Variants in NIBAN3 observed in about 807,000 individuals in gnomAD.
NIBAN3 encodes the protein protein Niban 3.
A neutral mutation model predicts 76.4 loss-of-function variants in NIBAN3; 66 were observed. The observed-to-expected ratio is 0.86, with a 90% CI of 0.71 to 1.06. NIBAN3 has a LOEUF of 1.06. Ranked by LOEUF, NIBAN3 falls within the 50% of genes least tolerant of loss-of-function variation. The pLI, the probability that NIBAN3 is intolerant of heterozygous loss-of-function variation, is 0.00. For synonymous variants in NIBAN3, 360 were observed against 355.2 expected (o/e 1.01, Z -0.15); for missense variants, 808 against 810.7 (o/e 1.00, Z 0.04).
chr19:17,543,328 C>A lies in NIBAN3; in HGVS notation c.1341C>A (p.Asp447Glu). The A allele has an allele frequency of 6.4e-7, 1 of 1,562,930 alleles. No individual in the cohort carries two copies. Among genetic ancestry groups the A allele is most frequent in the Non-Finnish European group, 8.7e-7 (1 of 1,150,976 alleles). Residue 447 changes from aspartate to glutamate, a missense_variant, in exon 11 of 15, where the codon GAC (aspartate) becomes GAA (glutamate). Transcript: ENST00000599164. ...ATCTCCTCCCACAGCTCATGGCTGA[C>A]GCCGTGGCCACCTTCCTGCAGCTGG... Reference protein sequence around the residue: ...AQDLAQQLMADAVATFLQLAD... With the variant: ...AQDLAQQLMAEAVATFLQLAD...
upstream of NIBAN3, among the ~76,000 whole-genome samples, chr19:17,523,721 C>T (rs2075579119): frequency 6.6e-6 from 1 of 152,260 alleles, no homozygotes; most frequent in Non-Finnish European, 1.5e-5. Context: ...CCCCTTTCAC[C>T]TCTCCCTCTC....
In NIBAN3 at chr19:17,553,234, T is replaced by C; in HGVS notation, c.*1336T>C. ...AATAACTCTTTATATCTGAAGGATATGAACGCTTTGTGATACAGGTTACAG... is the reference window on the plus strand; with the variant it reads ...AATAACTCTTTATATCTGAAGGATACGAACGCTTTGTGATACAGGTTACAG... On this transcript the variant is annotated 3_prime_UTR_variant, in exon 15 of 15. Coordinates refer to ENST00000599164, the MANE Select transcript of NIBAN3 (RefSeq NM_001321827.2). 1 of 1,558,884 alleles carries C rather than the reference T, an allele frequency of 6.4e-7. No homozygotes were observed. The highest frequency in any genetic ancestry group is 8.7e-7 in the Non-Finnish European group (1 of 1,155,036).
chr19:17,529,585 C>G (rs1568441328), intron 1 of NIBAN3, among the ~76,000 whole-genome samples: 1 of 152,232 alleles, frequency 6.6e-6, no homozygotes, highest in Non-Finnish European at 1.5e-5. Context: ...GGATACAGCA[C>G]ACCTCCATCA....
At position 17,540,564 on chromosome 19, in the gene NIBAN3, C is replaced by T; in HGVS notation, c.1152C>T (p.Gly384=). 6.6e-7 allele frequency: 1 copy of T among 1,523,954 alleles called. No homozygotes were observed. The allele number at this position is 1,523,954 out of a possible 1,614,324, so 94.4% of individuals were successfully genotyped here. ...LSHRLRQSPS[G]TRLRREVYSF... ...ACCGCCTGCGCCAGAGCCCCTCAGG[C>T]ACGCGGCTGCGCAGGGAGGTGAGCT... The change falls in exon 9 of 15, where the codon GGC becomes GGT. Residue 384 remains glycine (G), a synonymous_variant. Transcript: ENST00000599164.
chr19:17,553,533 CTGG>C lies in NIBAN3; in HGVS notation c.*1636_*1638del, dbSNP rs1361203450. ...TGGAGACCGTTTCCTCCCATTCTGT[CTGG>C]AGTTTTCGGCCTACCCCAAGACAAT... On this transcript the variant is annotated 3_prime_UTR_variant, in exon 15 of 15. Transcript: ENST00000599164. The C allele has an allele frequency of 6.2e-7, 1 of 1,614,206 alleles. No homozygotes were observed. Among genetic ancestry groups the C allele is most frequent in the Non-Finnish European group, 8.5e-7 (1 of 1,180,044 alleles).
chr19:17,526,311 C>G (rs1265330467), upstream of NIBAN3, among the ~76,000 whole-genome samples: 7 of 146,808 alleles, frequency 4.8e-5, no homozygotes, highest in African/African-American at 7.6e-5. Context: ...AGAGTCTGTC[C>G]CAAAGAAAAA....
chr19:17,527,163 G>T, upstream of NIBAN3: 1 of 1,507,644 alleles, frequency 6.6e-7, no homozygotes, highest in Non-Finnish European at 8.9e-7. Flanking sequence ...CTGGCTCTGG[G>T]CAACACGGGC....
At position 17,547,511 on chromosome 19, in the gene NIBAN3, C is replaced by A. The variant is rs186666936; in HGVS notation, c.1666+714C>A. ...CTGGGACTACAGGCATGTGCCACCA[C>A]GCCCGGCTAATTTTTGTATTTTTAG... On this transcript the variant is annotated intron_variant, in intron 13 of 14. Transcript: ENST00000599164. Among the ~76,000 whole-genome samples, 3 of 146,320 alleles carry A rather than the reference C, an allele frequency of 2.1e-5. No individual in the cohort carries two copies. The South Asian group carries it at 6.6e-4, about 32-fold the overall frequency.
In NIBAN3 at chr19:17,527,991, G is replaced by GCT. The variant is rs1333995831; in HGVS notation, c.55+597_55+598insTC. On this transcript the variant is annotated intron_variant, in intron 1 of 14. Coordinates refer to ENST00000599164, the MANE Select transcript of NIBAN3 (RefSeq NM_001321827.2). The stretch of plus-strand genomic sequence containing the variant: ...TTACAGGCGGGAGCCACTGTGTCCA[G>GCT]CCTGCATCTTATTTTTAGTATAAGT... Among the ~76,000 whole-genome samples the GCT allele has an allele frequency of 2.2e-3, 342 of 152,046 alleles. 2 individuals are homozygous for GCT. The highest frequency in any genetic ancestry group is 7.6e-3 in the African/African-American group (315 of 41,510).
At chr19:17,530,004 T>C (rs1402532908) in intron 1 of NIBAN3, among the ~76,000 whole-genome samples, 1 of 150,468 alleles carries the variant, frequency 6.6e-6, no homozygotes, top group Non-Finnish European at 1.5e-5. Context: ...AAGGCTGCAG[T>C]GAGCTGAGAT....
intron 9 of NIBAN3, among the ~76,000 whole-genome samples, chr19:17,541,753 G>T (rs540732174): frequency 6.6e-6 from 1 of 151,696 alleles, no homozygotes; most frequent in South Asian, 2.1e-4. Flanking sequence ...GCAGTGGTGC[G>T]ATCTTGGCTC....
At chr19:17,543,254 A>G in intron 10 of NIBAN3, 63 bp from the exon 11 acceptor site, 2 of 1,103,572 alleles carry the variant, frequency 1.8e-6, no homozygotes, top group Non-Finnish European at 2.6e-6. Context: ...TCAGCTGGGC[A>G]GGAGTGGGGC....
intron 4 of NIBAN3, among the ~76,000 whole-genome samples, chr19:17,534,677 A>G (rs1003902084): frequency 3.3e-5 from 5 of 151,792 alleles, no homozygotes; most frequent in Middle Eastern, 3.4e-3. Flanking sequence ...TGTAGTCCCA[A>G]CTACTCAGGA....
At chr19:17,549,688 A>G (rs1179425090) in intron 14 of NIBAN3, 161 bp downstream of exon 14, 2 of 692,440 alleles carry the variant, frequency 2.9e-6, no homozygotes, top group African/African-American at 1.7e-5. Flanking sequence ...GCTCGTGAAC[A>G]AGCTCAGTGG....
rs373733258 is a variant in NIBAN3, at chr19:17,543,422, C to G, written c.1435C>G (p.Arg479Gly). 1.2e-6 allele frequency: 2 copies of G among 1,612,914 alleles called. No homozygotes were observed. The highest frequency in any genetic ancestry group is 1.7e-5 in the Admixed American group (1 of 59,978). Reference protein sequence around the residue: ...AAQRLERVRGRVLKKFKSDSG... With the variant: ...AAQRLERVRGGVLKKFKSDSG... ...CCAGAGGCTGGAGAGAGTCAGGGGG[C>G]GCGTGCTGAAGGTGTGTTCTGTGGG... The change falls in exon 11 of 15, where the codon CGC becomes GGC. Residue 479 changes from arginine to glycine, a missense_variant. Transcript: ENST00000599164.
intron 14 of NIBAN3, 132 bp downstream of exon 14, chr19:17,549,659 A>C (rs765165274): frequency 1.1e-4 from 84 of 791,712 alleles, no homozygotes; most frequent in East Asian, 2.1e-4. Flanking sequence ...TTGTCTCCTT[A>C]CCCAGCCAGC....
chr19:17,542,378 C>T lies in NIBAN3; in HGVS notation c.1329+84C>T. On this transcript the variant is annotated intron_variant, in intron 10 of 14. Transcript: ENST00000599164. This position sits in a 1 kb window ranked among gnomAD's most constrained non-coding sequence, Gnocchi z 4.8. ...CCTGCTAAGTGTGCCCTGGAGAGAC[C>T]ACGATGATCGAGACAACTCCGCGGG... The T allele has an allele frequency of 1.4e-6, 2 of 1,425,216 alleles. No homozygotes were observed. The highest frequency in any genetic ancestry group is 1.4e-5 in the African/African-American group (1 of 70,026). The allele number at this position is 1,425,216 out of a possible 1,614,324, so 88.3% of individuals were successfully genotyped here.
chr19:17,538,758 A>G (rs367868611), intron 5 of NIBAN3, among the ~76,000 whole-genome samples: 4 of 143,854 alleles, frequency 2.8e-5, no homozygotes, highest in Non-Finnish European at 4.6e-5. Flanking sequence ...GAAAGAAAGA[A>G]AGAGAGGGAG....
intron 1 of NIBAN3, among the ~76,000 whole-genome samples, chr19:17,530,360 C>T (rs928269902): frequency 2.0e-5 from 3 of 151,196 alleles, no homozygotes; most frequent in Admixed American, 6.6e-5. Flanking sequence ...ACAAAAAACC[C>T]GTCTCTACTA....
Sources: gnomAD v4.1 joint callset for allele counts (sites outside exome capture counted in the v4.1 genomes callset) on GRCh38, gnomAD v4.1.1 for gene constraint, Gnocchi (gnomAD v3.1) non-coding constraint, MANE v1.5 for transcripts, NCBI Gene and HGNC (gene_info 2026-07-23, HGNC 2026-07-21) for gene names.